The following LDLRAP1 variants were observed in gnomAD, a reference collection of about 807,000 sequenced individuals.
LDLRAP1 encodes low density lipoprotein receptor adaptor protein 1, also known as low density lipoprotein receptor adapter protein 1.
Under a neutral mutation model 37.8 loss-of-function variants are expected in LDLRAP1, and 30 were observed. That is an observed-to-expected ratio of 0.79 (90% CI 0.59 to 1.08). LDLRAP1 has a LOEUF of 1.08. Ranked by LOEUF, LDLRAP1 falls within the 50% of genes least tolerant of loss-of-function variation. The pLI is 0.00. For synonymous variants in LDLRAP1, 156 were observed against 169.8 expected (o/e 0.92, Z 0.63); for missense variants, 375 against 401.6 (o/e 0.93, Z 0.57).
intron 1 of LDLRAP1, among the ~76,000 whole-genome samples, chr1:25,548,359 T>C (rs1450701994): frequency 1.4e-5 from 2 of 146,412 alleles, no homozygotes; most frequent in Non-Finnish European, 3.0e-5. Context: ...TTTTTTTTTT[T>C]TTTTTTAAGA....
intron 1 of LDLRAP1, among the ~76,000 whole-genome samples, chr1:25,552,369 G>A (rs1193598557): frequency 6.6e-6 from 1 of 152,190 alleles, no homozygotes; most frequent in Admixed American, 6.5e-5. Context: ...TCAGGAGGAG[G>A]TAGGGAGGGC....
chr1:25,570,281 C>A (rs1490337172), downstream of LDLRAP1, among the ~76,000 whole-genome samples: 2 of 152,210 alleles, frequency 1.3e-5, no homozygotes, highest in Non-Finnish European at 2.9e-5. Context: ...CCGGATGTCT[C>A]GGATTATGAA....
intron 4 of LDLRAP1, 31 bp from the exon 5 acceptor site, chr1:25,562,613 A>AC: frequency 6.3e-7 from 1 of 1,599,762 alleles, no homozygotes; most frequent in Non-Finnish European, 8.6e-7. Context: ...CTGACACTGC[A>AC]CCCCTCCCCA....
intron 3 of LDLRAP1, 37 bp from the exon 4 acceptor site, chr1:25,557,116 G>A: frequency 6.6e-7 from 1 of 1,521,130 alleles, no homozygotes. Context: ...TCAGGCCCCT[G>A]TGCCAGGTCT....
chr1:25,577,331 C>T, the LDLRAP1 span, among the ~76,000 whole-genome samples: 1 of 152,120 alleles, frequency 6.6e-6, no homozygotes, highest in African/African-American at 2.4e-5. Context: ...GGATGCGAGC[C>T]TGGATGGCTA....
downstream of LDLRAP1, among the ~76,000 whole-genome samples, chr1:25,571,076 C>T (rs1039154298): frequency 2.0e-5 from 3 of 152,184 alleles, no homozygotes; most frequent in Admixed American, 6.5e-5. Context: ...CTGACCCCAG[C>T]GCTCCGGATT....
At chr1:25,564,065 G>A in intron 7 of LDLRAP1, 1 of 485,044 alleles carries the variant, frequency 2.1e-6, no homozygotes, top group Non-Finnish European at 3.8e-6. Flanking sequence ...CCCACCACAA[G>A]ACCAGCCAAA....
At chr1:25,556,255 G>A (rs538187993) in intron 3 of LDLRAP1, among the ~76,000 whole-genome samples, 87 of 152,240 alleles carry the variant, frequency 5.7e-4, no homozygotes, top group Non-Finnish European at 9.4e-4. Context: ...GCCCCTCCCC[G>A]ATTGAGACTC....
At chr1:25,580,509 T>G in the LDLRAP1 span, among the ~76,000 whole-genome samples, 1 of 152,116 alleles carries the variant, frequency 6.6e-6, no homozygotes, top group African/African-American at 2.4e-5. Flanking sequence ...AATTTAATCT[T>G]CACAATTATT....
chr1:25,566,815 C>A, intron 8 of LDLRAP1, 33 bp from the exon 9 acceptor site: 1 of 1,595,628 alleles, frequency 6.3e-7, no homozygotes. Context: ...AGCCCTCACC[C>A]AGGCTCTCGG....
the LDLRAP1 span, among the ~76,000 whole-genome samples, chr1:25,588,895 T>C: frequency 1.3e-5 from 2 of 152,132 alleles, no homozygotes; most frequent in Admixed American, 1.3e-4. Context: ...TGGAGCGCCT[T>C]GAGAGTGCCA....
At chr1:25,572,967 T>A (rs1483840616), downstream of LDLRAP1, among the ~76,000 whole-genome samples, 1 of 152,122 alleles carries the variant, frequency 6.6e-6, no homozygotes, top group African/African-American at 2.4e-5. Flanking sequence ...GCCACAGCCG[T>A]CAGGACTGGC....
intron 8 of LDLRAP1, among the ~76,000 whole-genome samples, chr1:25,565,952 G>T (rs1230353580): frequency 1.3e-5 from 2 of 152,146 alleles, no homozygotes; most frequent in Non-Finnish European, 2.9e-5. Context: ...TTGCCCTCCT[G>T]CCTCCTCCTT....
chr1:25,570,645 G>T (rs1364720266), downstream of LDLRAP1, among the ~76,000 whole-genome samples: 6 of 152,112 alleles, frequency 3.9e-5, no homozygotes, highest in African/African-American at 1.4e-4. Context: ...GGATCACGAG[G>T]TCAGGAGATC....
chr1:25,584,644 C>A, the LDLRAP1 span, among the ~76,000 whole-genome samples: 1 of 152,114 alleles, frequency 6.6e-6, no homozygotes, highest in Non-Finnish European at 1.5e-5. Flanking sequence ...GAGAGAAAAT[C>A]CACAGCTTCC....
downstream of LDLRAP1, among the ~76,000 whole-genome samples, chr1:25,572,786 G>C (rs1354285696): frequency 6.6e-6 from 1 of 152,206 alleles, no homozygotes; most frequent in Non-Finnish European, 1.5e-5. Context: ...GGTAAGAAGA[G>C]GCTGGAGAAA....
At chr1:25,570,131 A>G (rs910210015), downstream of LDLRAP1, among the ~76,000 whole-genome samples, 2 of 152,168 alleles carry the variant, frequency 1.3e-5, no homozygotes, top group Non-Finnish European at 2.9e-5. Context: ...CCCTCATATC[A>G]GCATCAGGCT....
Position 25,555,337 on chromosome 1 carries a change from A to C in LDLRAP1, c.344+365A>C, listed in dbSNP as rs190175125. 1.8e-4 allele frequency among the ~76,000 whole-genome samples: 28 copies of C among 152,304 alleles called. No individual in the cohort carries two copies. The East Asian group carries it at 5.0e-3, about 27-fold the overall frequency. On this transcript the variant is annotated intron_variant, in intron 3 of 8. Coordinates refer to ENST00000374338, the MANE Select transcript of LDLRAP1 (RefSeq NM_015627.3). This position sits in a 1 kb window ranked among gnomAD's most constrained non-coding sequence, Gnocchi z 4.7. ...TGCCTTTTCCTTCTGCTGTGAATGC[A>C]GCAGCTCAGCTCTGGGTATCTGGCC...
At chr1:25,557,846 G>T (rs1345004640) in intron 4 of LDLRAP1, among the ~76,000 whole-genome samples, 1 of 151,958 alleles carries the variant, frequency 6.6e-6, no homozygotes, top group Non-Finnish European at 1.5e-5. Context: ...AATTCTCACG[G>T]CTCTGCAAGG....
Sources: allele counts gnomAD v4.1 joint callset (sites outside exome capture counted in the v4.1 genomes callset), GRCh38; gene constraint gnomAD v4.1.1; non-coding constraint Gnocchi (gnomAD v3.1); transcripts MANE v1.5; gene names NCBI Gene and HGNC (gene_info 2026-07-23, HGNC 2026-07-21).